The following GPBP1 variants were observed in gnomAD, a reference collection of about 807,000 sequenced individuals.
GPBP1 encodes the protein vasculin.
Under a neutral mutation model 56.5 loss-of-function variants are expected in GPBP1, and 13 were observed. The ratio of observed to expected loss-of-function variants is 0.23; its 90% CI spans 0.15 to 0.37. The LOEUF (loss-of-function observed/expected upper bound fraction) is 0.37. Ranked by LOEUF, GPBP1 falls within the 10% of genes least tolerant of loss-of-function variation. The pLI is 1.00. For synonymous variants in GPBP1, 204 were observed against 188.9 expected (o/e 1.08, Z -0.66); for missense variants, 477 against 572.3 (o/e 0.83, Z 1.70).
chr5:57,238,531 C>A (rs763338026), intron 6 of GPBP1, among the ~76,000 whole-genome samples: 1 of 152,026 alleles, frequency 6.6e-6, no homozygotes, highest in Non-Finnish European at 1.5e-5. Context: ...GCACTCCAGC[C>A]TGAGCAACAA....
chr5:57,216,784 G>A (rs1016257783), intron 3 of GPBP1, among the ~76,000 whole-genome samples: 4 of 151,984 alleles, frequency 2.6e-5, no homozygotes, highest in Non-Finnish European at 4.4e-5. Context: ...TGAAAACTTC[G>A]TGTTTCTGTA....
intron 3 of GPBP1, among the ~76,000 whole-genome samples, chr5:57,229,579 G>A (rs1297653567): frequency 6.6e-6 from 1 of 151,692 alleles, no homozygotes; most frequent in Non-Finnish European, 1.5e-5. Context: ...TCCAGGCTCT[G>A]GAGTACAGTT....
chr5:57,219,424 A>C (rs1258913116), intron 3 of GPBP1, among the ~76,000 whole-genome samples: 2 of 142,592 alleles, frequency 1.4e-5, no homozygotes, highest in Admixed American at 6.8e-5. Flanking sequence ...ACAAACAAAA[A>C]AAAAAACAAC....
intron 2 of GPBP1, among the ~76,000 whole-genome samples, chr5:57,213,004 C>T (rs1755555791): frequency 6.6e-6 from 1 of 151,910 alleles, no homozygotes; most frequent in Non-Finnish European, 1.5e-5. Flanking sequence ...TATTTTAGAA[C>T]AGTCCAGATG....
chr5:57,200,045 T>C (rs1020915992), intron 2 of GPBP1, among the ~76,000 whole-genome samples: 11 of 126,690 alleles, frequency 8.7e-5, no homozygotes, highest in African/African-American at 3.0e-4. Context: ...TTTTTTTTTT[T>C]TTTTCTGAAA....
chr5:57,220,222 T>C (rs1755896071), intron 3 of GPBP1, among the ~76,000 whole-genome samples: 1 of 151,982 alleles, frequency 6.6e-6, no homozygotes, highest in Non-Finnish European at 1.5e-5. Context: ...ACTACTGAGC[T>C]CAGGAGATGC....
intron 10 of GPBP1, among the ~76,000 whole-genome samples, chr5:57,254,784 T>C (rs891088526): frequency 2.0e-5 from 3 of 152,214 alleles, no homozygotes; most frequent in Admixed American, 6.5e-5. Flanking sequence ...GAGAATTAAT[T>C]TAGCTAGATT....
chr5:57,207,831 C>T (rs992293670), intron 2 of GPBP1, among the ~76,000 whole-genome samples: 2 of 152,156 alleles, frequency 1.3e-5, no homozygotes, highest in African/African-American at 2.4e-5. Flanking sequence ...TCATGCCCTT[C>T]TTTGGTCGAT....
intron 2 of GPBP1, among the ~76,000 whole-genome samples, chr5:57,188,371 C>G (rs773800475): frequency 2.0e-5 from 3 of 152,052 alleles, no homozygotes; most frequent in Non-Finnish European, 4.4e-5. Flanking sequence ...ATTTCCAGTT[C>G]AGATCTTCTC....
intron 6 of GPBP1, among the ~76,000 whole-genome samples, chr5:57,238,477 G>A (rs1168205945): frequency 6.6e-6 from 1 of 152,164 alleles, no homozygotes; most frequent in Non-Finnish European, 1.5e-5. Context: ...AGAATCGCTT[G>A]AACCTGGGAG....
At chr5:57,225,085 G>A (rs1251608674) in intron 3 of GPBP1, among the ~76,000 whole-genome samples, 1 of 152,096 alleles carries the variant, frequency 6.6e-6, no homozygotes, top group Non-Finnish European at 1.5e-5. Flanking sequence ...CACAGCTCTT[G>A]TACTTTAAAG....
At chr5:57,213,909 C>T (rs531167520) in intron 2 of GPBP1, among the ~76,000 whole-genome samples, 165 bp from the exon 3 acceptor site, 20 of 152,168 alleles carry the variant, frequency 1.3e-4, no homozygotes, top group Non-Finnish European at 1.9e-4. Flanking sequence ...TTGCAGTCAT[C>T]CCCCTTCCAA....
intron 2 of GPBP1, among the ~76,000 whole-genome samples, chr5:57,179,551 A>C (rs147039537): frequency 6.6e-6 from 1 of 152,184 alleles, no homozygotes; most frequent in Non-Finnish European, 1.5e-5. Flanking sequence ...TTCCACAGGC[A>C]TGGAGCTAAA....
chr5:57,223,044 A>AT (rs34631323), intron 3 of GPBP1, among the ~76,000 whole-genome samples: 12 of 150,272 alleles, frequency 8.0e-5, no homozygotes, highest in South Asian at 2.1e-4. Flanking sequence ...TTTTATTAAA[A>AT]TTTTTTTTTT....
intron 2 of GPBP1, among the ~76,000 whole-genome samples, chr5:57,194,511 A>G (rs1754664803): frequency 6.6e-6 from 1 of 152,234 alleles, no homozygotes; most frequent in Non-Finnish European, 1.5e-5. Flanking sequence ...TCAAGCATTC[A>G]TAATTTTCTA....
intron 2 of GPBP1, among the ~76,000 whole-genome samples, chr5:57,197,935 T>C (rs545232289): frequency 6.6e-6 from 1 of 152,290 alleles, no homozygotes; most frequent in South Asian, 2.1e-4. Flanking sequence ...GCAGTGCTTA[T>C]TGAACGGCTG....
intron 6 of GPBP1, among the ~76,000 whole-genome samples, chr5:57,243,948 C>A (rs1176247124): frequency 6.6e-6 from 1 of 152,100 alleles, no homozygotes; most frequent in African/African-American, 2.4e-5. Context: ...CCTGGTCTCC[C>A]AAAGTGCTGG....
At chr5:57,248,991 A>T (rs894709790) in intron 8 of GPBP1, 3 of 152,722 alleles carry the variant, frequency 2.0e-5, no homozygotes, top group African/African-American at 7.2e-5. Flanking sequence ...ACATTTTACC[A>T]GGTGAAATCC....
intron 2 of GPBP1, among the ~76,000 whole-genome samples, chr5:57,195,870 G>A (rs1487560951): frequency 6.7e-6 from 1 of 149,912 alleles, no homozygotes; most frequent in Non-Finnish European, 1.5e-5. Flanking sequence ...GGGCGTGGTG[G>A]CATGCGCCTG....
Sources: gnomAD v4.1 joint callset for allele counts (sites outside exome capture counted in the v4.1 genomes callset) on GRCh38, gnomAD v4.1.1 for gene constraint, MANE v1.5 for transcripts, NCBI Gene and HGNC (gene_info 2026-07-23, HGNC 2026-07-21) for gene names.